The following HDAC9 variants were observed in gnomAD, a reference collection of about 807,000 sequenced individuals.
The protein encoded by HDAC9 is MEF-2 interacting transcription repressor (MITR) protein.
In HDAC9, 41 loss-of-function variants were observed where a neutral mutation model predicts 139.4. That is an observed-to-expected ratio of 0.29 (90% CI 0.23 to 0.38). The LOEUF (loss-of-function observed/expected upper bound fraction) is 0.38. Among genes scored for constraint, HDAC9 ranks in the 10% least tolerant of loss-of-function variants. The pLI is 1.00. For missense variants in HDAC9, 1,147 were observed against 1,297.0 expected, an observed-to-expected ratio of 0.88 and a Z score of 1.78; for synonymous variants, 517 against 476.2, an observed-to-expected ratio of 1.09 and a Z score of -1.12.
intron 6 of HDAC9, 121 bp downstream of exon 6, chr7:18,594,150 C>A: frequency 1.1e-6 from 1 of 902,446 alleles, no homozygotes; most frequent in Non-Finnish European, 1.7e-6. Flanking sequence ...CTCCCCACCC[C>A]TGCCCCCAGC....
intron 8 of HDAC9, among the ~76,000 whole-genome samples, chr7:18,637,314 G>T (rs1297919677): frequency 1.3e-5 from 2 of 151,996 alleles, no homozygotes; most frequent in Non-Finnish European, 2.9e-5. Flanking sequence ...ATAGTATTTA[G>T]TACAACATAT....
chr7:18,323,385 A>G (rs1475498247), intron 1 of HDAC9, among the ~76,000 whole-genome samples: 2 of 152,140 alleles, frequency 1.3e-5, no homozygotes, highest in Admixed American at 1.3e-4. Context: ...GTTTCCATAT[A>G]GACTATTCTC....
chr7:18,933,907 C>G (rs1005553950), intron 22 of HDAC9, among the ~76,000 whole-genome samples: 1 of 151,926 alleles, frequency 6.6e-6, no homozygotes, highest in Non-Finnish European at 1.5e-5. Flanking sequence ...TGTGATGTAG[C>G]AGATTAGAGA....
chr7:18,797,758 G>T (rs1261985319), intron 17 of HDAC9, among the ~76,000 whole-genome samples: 1 of 152,062 alleles, frequency 6.6e-6, no homozygotes, highest in Non-Finnish European at 1.5e-5. Flanking sequence ...GAACCCAGGA[G>T]GCAGGGGTTA....
chr7:18,829,196 C>T lies in HDAC9; in HGVS notation c.2358C>T (p.His786=), dbSNP rs371902064. 1.3e-4 allele frequency: 210 copies of T among 1,613,068 alleles called. No individual in the cohort carries two copies. The highest frequency in any genetic ancestry group is 1.6e-4 in the Middle Eastern group (1 of 6,084). Residue 786 remains histidine, a synonymous_variant, in exon 18 of 26, where the codon CAC becomes CAT. Coordinates refer to ENST00000686413, the MANE Select transcript of HDAC9 (RefSeq NM_178425.4). Reference sequence around the variant, plus strand: ...CTGTTGTGAGGCCCCCTGGCCATCACGCTGAAGAATCCACAGCCATGTAAG... The same window carrying T: ...CTGTTGTGAGGCCCCCTGGCCATCATGCTGAAGAATCCACAGCCATGTAAG... ...GFAVVRPPGH[H]AEESTAMGFC...
At chr7:18,395,938 C>A (rs1786988651) in intron 1 of HDAC9, among the ~76,000 whole-genome samples, 1 of 152,116 alleles carries the variant, frequency 6.6e-6, no homozygotes, top group Admixed American at 6.6e-5. Context: ...GTAGTTGATT[C>A]TGTTTTAAAT....
chr7:18,193,340 A>G (rs1199195360), intron 2 of HDAC9, among the ~76,000 whole-genome samples: 1 of 152,222 alleles, frequency 6.6e-6, no homozygotes, highest in East Asian at 1.9e-4. Context: ...GTTCAGTTCA[A>G]CAAATATTTA....
intron 22 of HDAC9, among the ~76,000 whole-genome samples, chr7:18,898,032 TC>T (rs1376084681): frequency 1.3e-5 from 2 of 151,868 alleles, no homozygotes; most frequent in Non-Finnish European, 2.9e-5. Context: ...TTCACACATT[TC>T]TTTAATCATC....
intron 2 of HDAC9, among the ~76,000 whole-genome samples, chr7:18,548,360 A>C (rs80098488): frequency 0.019 from 2,954 of 152,306 alleles, 98 homozygotes; most frequent in African/African-American, 0.067. Context: ...CAAGAATTAC[A>C]AAAATTTGAT....
chr7:18,694,464 C>T (rs1377675046), intron 12 of HDAC9, among the ~76,000 whole-genome samples: 2 of 152,000 alleles, frequency 1.3e-5, no homozygotes, highest in African/African-American at 2.4e-5. Context: ...GTTGGTGTCT[C>T]GGGAGTGTTC....
chr7:18,733,094 T>C (rs930204227), intron 13 of HDAC9, among the ~76,000 whole-genome samples: 7 of 144,598 alleles, frequency 4.8e-5, no homozygotes, highest in South Asian at 2.1e-4. Flanking sequence ...CATATATACA[T>C]GTGTATATAT....
At chr7:18,903,659 C>A (rs977388585) in intron 22 of HDAC9, among the ~76,000 whole-genome samples, 1 of 152,128 alleles carries the variant, frequency 6.6e-6, no homozygotes, top group African/African-American at 2.4e-5. Context: ...CTATTTACGC[C>A]CATTTACTCC....
chr7:18,108,129 T>C (rs540809660), intron 1 of HDAC9, among the ~76,000 whole-genome samples: 1 of 152,296 alleles, frequency 6.6e-6, no homozygotes, highest in African/African-American at 2.4e-5. Flanking sequence ...GGATATGATA[T>C]CCTAGAACCT....
intron 2 of HDAC9, chr7:18,260,463 C>T (rs6953847): frequency 0.38 from 58,023 of 151,712 alleles, 12,452 homozygotes; most frequent in Admixed American, 0.51. Flanking sequence ...GGACTACAGG[C>T]GCCCGCCACC....
At chr7:18,776,632 A>C (rs548922830) in intron 16 of HDAC9, among the ~76,000 whole-genome samples, 40 of 152,160 alleles carry the variant, frequency 2.6e-4, no homozygotes, top group African/African-American at 8.9e-4. Context: ...AAAGGAAGCA[A>C]GGAAGGGGTG....
intron 17 of HDAC9, among the ~76,000 whole-genome samples, chr7:18,809,479 C>T (rs1794000708): frequency 6.6e-6 from 1 of 151,918 alleles, no homozygotes; most frequent in East Asian, 1.9e-4. Context: ...GAAATTCATA[C>T]AACTCAATGG....
At chr7:18,789,562 A>G (rs1037942524) in intron 16 of HDAC9, among the ~76,000 whole-genome samples, 2 of 152,008 alleles carry the variant, frequency 1.3e-5, no homozygotes, top group Admixed American at 6.6e-5. Context: ...AGCCTCATCT[A>G]TTACATCTTG....
At chr7:18,639,940 C>G (rs1180181952) in intron 8 of HDAC9, among the ~76,000 whole-genome samples, 1 of 152,020 alleles carries the variant, frequency 6.6e-6, no homozygotes, top group African/African-American at 2.4e-5. Context: ...GTATAAGACA[C>G]TTAGGCCAGA....
At chr7:18,521,483 G>C (rs963925993) in intron 2 of HDAC9, among the ~76,000 whole-genome samples, 2 of 152,084 alleles carry the variant, frequency 1.3e-5, no homozygotes, top group Non-Finnish European at 2.9e-5. Flanking sequence ...CCATCTATTT[G>C]ATTTGCACAC....
Sources: allele counts gnomAD v4.1 joint callset (sites outside exome capture counted in the v4.1 genomes callset), GRCh38; gene constraint gnomAD v4.1.1; transcripts MANE v1.5; gene names NCBI Gene and HGNC (gene_info 2026-07-23, HGNC 2026-07-21).